Variants in ACYP2 observed in about 807,000 individuals in gnomAD.
ACYP2 encodes acylphosphatase 2, also known as acylphosphatase-2.
A neutral mutation model predicts 11.2 loss-of-function variants in ACYP2; 12 were observed. The ratio of observed to expected loss-of-function variants is 1.08; its 90% CI spans 0.69 to 1.74. The LOEUF (loss-of-function observed/expected upper bound fraction) is 1.74. Among genes scored for constraint, ACYP2 ranks in the 40% most tolerant of loss-of-function variants. The pLI is 0.00. For missense variants in ACYP2, 134 were observed against 101.9 expected (o/e 1.31, Z -1.35); for synonymous variants, 43 against 32.2 (o/e 1.33, Z -1.13).
At chr2:54,018,659 T>C (rs1027479319) in intron 2 of ACYP2, among the ~76,000 whole-genome samples, 4 of 152,086 alleles carry the variant, frequency 2.6e-5, no homozygotes, top group Admixed American at 2.6e-4. Flanking sequence ...CAAAAATAAA[T>C]AAGTAGAAAT....
intron 6 of ACYP2, among the ~76,000 whole-genome samples, chr2:54,219,881 G>GTGTGTGTATA (rs1222539416): frequency 4.7e-4 from 47 of 99,468 alleles, no homozygotes; most frequent in Middle Eastern, 6.5e-3. Context: ...GTGTGTGTGT[G>GTGTGTGTATA]TATATATATA....
chr2:54,202,924 C>T (rs1684917314), intron 6 of ACYP2, among the ~76,000 whole-genome samples: 2 of 151,534 alleles, frequency 1.3e-5, no homozygotes, highest in Non-Finnish European at 2.9e-5. Context: ...CTTTAGACTT[C>T]TTTTTAGATT....
chr2:54,242,485 TC>T (rs1479919234), intron 6 of ACYP2, among the ~76,000 whole-genome samples: 43 of 152,340 alleles, frequency 2.8e-4, no homozygotes, highest in African/African-American at 9.9e-4. Flanking sequence ...ATATATACAG[TC>T]ATATGCCACA....
chr2:54,074,706 C>T (rs1572697110), intron 4 of ACYP2, among the ~76,000 whole-genome samples: 1 of 151,976 alleles, frequency 6.6e-6, no homozygotes, highest in South Asian at 2.1e-4. Flanking sequence ...AAGGAATTCG[C>T]TCACACAGTT....
At chr2:54,293,294 T>G (rs1478132335) in intron 6 of ACYP2, among the ~76,000 whole-genome samples, 1 of 152,202 alleles carries the variant, frequency 6.6e-6, no homozygotes, top group African/African-American at 2.4e-5. Context: ...TATCTGTCAC[T>G]AGATATGTGT....
intron 6 of ACYP2, among the ~76,000 whole-genome samples, chr2:54,198,246 C>G (rs922061490): frequency 1.3e-5 from 2 of 152,080 alleles, no homozygotes; most frequent in East Asian, 1.9e-4. Flanking sequence ...AACTCCTGAC[C>G]TCAGGTGATC....
intron 2 of ACYP2, among the ~76,000 whole-genome samples, chr2:53,991,043 G>A (rs1354144462): frequency 1.3e-5 from 2 of 152,252 alleles, no homozygotes; most frequent in Non-Finnish European, 1.5e-5. Flanking sequence ...TGATCCGCCC[G>A]CCTGGGACTC....
intron 6 of ACYP2, among the ~76,000 whole-genome samples, chr2:54,166,333 T>C (rs770913453): frequency 6.6e-6 from 1 of 152,168 alleles, no homozygotes; most frequent in Non-Finnish European, 1.5e-5. Context: ...GAACTGTGGA[T>C]ACAAAGATGA....
At chr2:54,092,891 G>A (rs1284112738) in intron 4 of ACYP2, among the ~76,000 whole-genome samples, 1 of 152,170 alleles carries the variant, frequency 6.6e-6, no homozygotes, top group Non-Finnish European at 1.5e-5. Context: ...AGTTCTTTTA[G>A]AATTGTCCTC....
chr2:53,976,828 C>T (rs1191073199), intron 2 of ACYP2, among the ~76,000 whole-genome samples: 1 of 152,116 alleles, frequency 6.6e-6, no homozygotes, highest in Non-Finnish European at 1.5e-5. Flanking sequence ...ATTTTTCTCT[C>T]ATTATTTTAG....
chr2:54,190,631 A>G (rs909357792), intron 6 of ACYP2, among the ~76,000 whole-genome samples: 1 of 151,692 alleles, frequency 6.6e-6, no homozygotes, highest in Non-Finnish European at 1.5e-5. Context: ...GTCTCCTTCC[A>G]TGGTTCCTCC....
intron 2 of ACYP2, among the ~76,000 whole-genome samples, chr2:54,019,051 T>TATTA (rs199898843): frequency 2.6e-5 from 4 of 151,068 alleles, no homozygotes; most frequent in African/African-American, 9.7e-5. Context: ...GGCCTATTTT[T>TATTA]TTATTATTAT....
At chr2:54,171,171 C>T (rs573836699) in intron 6 of ACYP2, among the ~76,000 whole-genome samples, 15 of 152,258 alleles carry the variant, frequency 9.9e-5, no homozygotes, top group African/African-American at 3.1e-4. Flanking sequence ...GGCTGGAGTG[C>T]GCAAGCCGGA....
intron 2 of ACYP2, among the ~76,000 whole-genome samples, chr2:54,032,801 A>G (rs1243735435): frequency 6.6e-6 from 1 of 152,204 alleles, no homozygotes; most frequent in Non-Finnish European, 1.5e-5. Context: ...ACTACAAACC[A>G]CTGTTCGATG....
At chr2:54,010,965 G>A (rs1673339267) in intron 2 of ACYP2, among the ~76,000 whole-genome samples, 2 of 151,564 alleles carry the variant, frequency 1.3e-5, no homozygotes, top group South Asian at 2.1e-4. Context: ...TACCACACGC[G>A]GCCCCTCCCT....
At chr2:54,292,309 A>G (rs1573062214) in intron 6 of ACYP2, among the ~76,000 whole-genome samples, 1 of 152,144 alleles carries the variant, frequency 6.6e-6, no homozygotes, top group South Asian at 2.1e-4. Context: ...GCTACTAGCT[A>G]TGTAGTTATT....
At chr2:54,292,716 G>A (rs1689363052) in intron 6 of ACYP2, among the ~76,000 whole-genome samples, 2 of 151,164 alleles carry the variant, frequency 1.3e-5, no homozygotes. Flanking sequence ...ACACGTGTAT[G>A]TATCTCTGAA....
At chr2:53,989,545 A>C (rs1421584506) in intron 2 of ACYP2, among the ~76,000 whole-genome samples, 1 of 151,670 alleles carries the variant, frequency 6.6e-6, no homozygotes, top group African/African-American at 2.4e-5. Context: ...ATCTGAACCC[A>C]CTTGCTAGAT....
chr2:54,077,696 A>G (rs1370756792), intron 4 of ACYP2, among the ~76,000 whole-genome samples: 1 of 152,212 alleles, frequency 6.6e-6, no homozygotes, highest in Non-Finnish European at 1.5e-5. Context: ...AAAGTACAGA[A>G]TAGGGGAATA....
Sources: allele counts gnomAD v4.1 joint callset (sites outside exome capture counted in the v4.1 genomes callset), GRCh38; gene constraint gnomAD v4.1.1; transcripts MANE v1.5; gene names NCBI Gene and HGNC (gene_info 2026-07-23, HGNC 2026-07-21).